MTUS2: variants seen among roughly 807,000 people sequenced by gnomAD.
MTUS2 encodes the protein microtubule associated scaffold protein 2.
A neutral mutation model predicts 114.1 loss-of-function variants in MTUS2; 40 were observed. That is an observed-to-expected ratio of 0.35 (90% CI 0.27 to 0.46). The LOEUF (loss-of-function observed/expected upper bound fraction) is 0.46. Among genes scored for constraint, MTUS2 ranks in the 20% least tolerant of loss-of-function variants. The pLI, the probability that MTUS2 is intolerant of heterozygous loss-of-function variation, is 1.00. For synonymous variants in MTUS2, 688 were observed against 672.0 expected (o/e 1.02, Z -0.37); for missense variants, 1,679 against 1,705.4 (o/e 0.98, Z 0.27).
chr13:29,251,839 A>G (rs537515268), intron 5 of MTUS2, among the ~76,000 whole-genome samples: 5 of 152,294 alleles, frequency 3.3e-5, no homozygotes, highest in Admixed American at 6.5e-5. Flanking sequence ...TTATCTGTCA[A>G]TGGACATTTG....
At chr13:28,929,089 C>A (rs73161861) in intron 2 of MTUS2, among the ~76,000 whole-genome samples, 12,756 of 152,122 alleles carry the variant, frequency 0.084, 600 homozygotes, top group South Asian at 0.13. Context: ...ACATGTTCTC[C>A]CTCATACGTC....
At chr13:29,210,478 T>A (rs1895378177) in intron 5 of MTUS2, among the ~76,000 whole-genome samples, 2 of 152,132 alleles carry the variant, frequency 1.3e-5, no homozygotes, top group South Asian at 4.1e-4. Flanking sequence ...GCTAGTGTGA[T>A]CTTTTGGGAG....
intron 5 of MTUS2, among the ~76,000 whole-genome samples, chr13:29,190,228 C>A (rs2139191164): frequency 6.6e-6 from 1 of 152,310 alleles, no homozygotes; most frequent in South Asian, 2.1e-4. Flanking sequence ...AATAACATAG[C>A]TAATACCTAA....
intron 5 of MTUS2, among the ~76,000 whole-genome samples, chr13:29,167,294 G>T (rs1893356617): frequency 6.6e-6 from 1 of 151,784 alleles, no homozygotes; most frequent in Non-Finnish European, 1.5e-5. Context: ...AGAATGGCGT[G>T]AACCTGGGAG....
At chr13:29,023,834 T>C (rs957052503) in intron 2 of MTUS2, among the ~76,000 whole-genome samples, 5 of 152,220 alleles carry the variant, frequency 3.3e-5, no homozygotes, top group Admixed American at 1.3e-4. Context: ...GCATAGGTGA[T>C]GTGTGGCCCT....
chr13:28,841,339 T>A (rs566331228), intron 2 of MTUS2, among the ~76,000 whole-genome samples: 1 of 152,148 alleles, frequency 6.6e-6, no homozygotes, highest in East Asian at 1.9e-4. Context: ...TTAGAACAGA[T>A]AGGGGAAAAA....
At chr13:29,061,306 C>T (rs1203773546) in intron 4 of MTUS2, among the ~76,000 whole-genome samples, 1 of 152,112 alleles carries the variant, frequency 6.6e-6, no homozygotes, top group Non-Finnish European at 1.5e-5. Context: ...TTTCTGAAGT[C>T]TCTGTTGAGT....
chr13:29,365,905 A>G (rs1196101447), intron 8 of MTUS2, among the ~76,000 whole-genome samples: 1 of 152,218 alleles, frequency 6.6e-6, no homozygotes, highest in South Asian at 2.1e-4. Context: ...ACAATATTCA[A>G]AAATCATGAC....
rs1883047065 is a variant in MTUS2 at position 29,503,466 on chromosome 13, C to G, written c.*260C>G. The stretch of plus-strand genomic sequence containing the variant: ...AAAGACACTTGCAATTGTTCTTGAG[C>G]AATGAACTTTCACTGCAGAATTTCA... On this transcript the variant is annotated 3_prime_UTR_variant, in exon 16 of 16. Transcript: ENST00000612955. The G allele has an allele frequency of 1.7e-6, 1 of 571,628 alleles. No homozygotes were observed. Among genetic ancestry groups the G allele is most frequent in the Non-Finnish European group, 3.1e-6 (1 of 320,116 alleles). 35.4% of individuals were successfully genotyped at this position (571,628 alleles called of 1,614,324 possible). A position where few individuals can be genotyped will look rare whatever the true frequency, so the allele number is the denominator to read the frequency against.
At chr13:29,097,566 G>C (rs896618064) in intron 4 of MTUS2, among the ~76,000 whole-genome samples, 5 of 152,186 alleles carry the variant, frequency 3.3e-5, no homozygotes, top group African/African-American at 1.2e-4. Flanking sequence ...CATGCTAAAT[G>C]TCTTAGTTCC....
At chr13:29,031,237 G>GGTGGGTGTGT (rs1886801776) in intron 3 of MTUS2, among the ~76,000 whole-genome samples, 1 of 122,886 alleles carries the variant, frequency 8.1e-6, no homozygotes, top group Non-Finnish European at 1.7e-5. Flanking sequence ...AGAACTAATA[G>GGTGGGTGTGT]GTGTGTGTGT....
At chr13:28,911,614 C>T (rs1880436240) in intron 2 of MTUS2, among the ~76,000 whole-genome samples, 1 of 152,268 alleles carries the variant, frequency 6.6e-6, no homozygotes, top group East Asian at 1.9e-4. Flanking sequence ...AATCTACACT[C>T]CCATCTACAG....
intron 9 of MTUS2, among the ~76,000 whole-genome samples, chr13:29,460,842 G>A (rs1879434066): frequency 6.7e-6 from 1 of 149,942 alleles, no homozygotes; most frequent in African/African-American, 2.5e-5. Context: ...AATATTCACA[G>A]ACACATTCAT....
chr13:29,240,705 T>A (rs1319982101), intron 5 of MTUS2, among the ~76,000 whole-genome samples: 1 of 152,228 alleles, frequency 6.6e-6, no homozygotes, highest in Admixed American at 6.5e-5. Context: ...TGATTAAAAT[T>A]TCTAAACAGT....
Position 29,067,095 on chromosome 13 carries a change from A to T in MTUS2, c.2446+32970A>T, listed in dbSNP as rs530427463. On this transcript the variant is annotated intron_variant, in intron 4 of 15. Coordinates refer to ENST00000612955, the MANE Select transcript of MTUS2 (RefSeq NM_001033602.4). Reference sequence around the variant, plus strand: ...GAAGATAGTTGTTTGACACATGCAGAGTTTGAGGTTCCTAAGGGACATTTA... The same window carrying T: ...GAAGATAGTTGTTTGACACATGCAGTGTTTGAGGTTCCTAAGGGACATTTA... Among the ~76,000 whole-genome samples the T allele has an allele frequency of 1.9e-4, 29 of 152,250 alleles. No homozygotes were observed. The South Asian group carries it at 6.0e-3, about 32-fold the overall frequency.
intron 4 of MTUS2, among the ~76,000 whole-genome samples, chr13:29,036,322 A>G (rs1840316967): frequency 6.6e-6 from 1 of 152,298 alleles, no homozygotes; most frequent in Admixed American, 6.5e-5. Flanking sequence ...GGCGAAGAAG[A>G]AACAGTTGGC....
chr13:29,147,283 G>A (rs1226370172), intron 5 of MTUS2, among the ~76,000 whole-genome samples: 2 of 152,156 alleles, frequency 1.3e-5, no homozygotes, highest in African/African-American at 4.8e-5. Flanking sequence ...TACAATGGAA[G>A]CCACCAGCTA....
At chr13:29,137,348 G>A (rs918123692) in intron 5 of MTUS2, among the ~76,000 whole-genome samples, 12 of 152,004 alleles carry the variant, frequency 7.9e-5, no homozygotes, top group Admixed American at 2.0e-4. Context: ...TCCTGCTTCC[G>A]TGCTCATCCT....
intron 7 of MTUS2, among the ~76,000 whole-genome samples, chr13:29,339,221 C>A (rs1421018703): frequency 6.6e-6 from 1 of 152,154 alleles, no homozygotes; most frequent in Non-Finnish European, 1.5e-5. Flanking sequence ...GGCGTACTTC[C>A]TGCAGTAGGG....
Sources: gnomAD v4.1 joint callset for allele counts (sites outside exome capture counted in the v4.1 genomes callset) on GRCh38, gnomAD v4.1.1 for gene constraint, MANE v1.5 for transcripts, NCBI Gene and HGNC (gene_info 2026-07-23, HGNC 2026-07-21) for gene names.